The following TDRD1 variants were observed in gnomAD, a reference collection of about 807,000 sequenced individuals.
TDRD1 encodes the protein tudor domain-containing protein 1.
In TDRD1, 37 loss-of-function variants were observed where a neutral mutation model predicts 140.6. The observed-to-expected ratio is 0.26, with a 90% CI of 0.20 to 0.35. The LOEUF (loss-of-function observed/expected upper bound fraction) is 0.35. Among genes scored for constraint, TDRD1 ranks in the 10% least tolerant of loss-of-function variants. TDRD1 has a pLI of 1.00. For missense variants in TDRD1, 1,243 were observed against 1,393.0 expected, an observed-to-expected ratio of 0.89 and a Z score of 1.71; for synonymous variants, 506 against 475.7, an observed-to-expected ratio of 1.06 and a Z score of -0.83.
intron 1 of TDRD1, among the ~76,000 whole-genome samples, chr10:114,184,494 G>A (rs1425073401): frequency 3.3e-5 from 5 of 152,218 alleles, no homozygotes; most frequent in African/African-American, 4.8e-5. Flanking sequence ...GAAGAAAGGG[G>A]TGAAGGCCTG....
At chr10:114,185,021 C>T (rs1273744688) in intron 1 of TDRD1, among the ~76,000 whole-genome samples, 1 of 152,244 alleles carries the variant, frequency 6.6e-6, no homozygotes, top group East Asian at 1.9e-4. Context: ...TTTATTGTTA[C>T]TCATACAGTC....
chr10:114,190,610 C>T (rs1229466627), intron 2 of TDRD1, among the ~76,000 whole-genome samples: 1 of 152,218 alleles, frequency 6.6e-6, no homozygotes, highest in Admixed American at 6.5e-5. Flanking sequence ...ACCTCAGCCT[C>T]CTGAGTAATT....
At chr10:114,227,392 G>GCCTCCCTCCTTC in intron 23 of TDRD1, 93 bp downstream of exon 23, 1 of 910,450 alleles carries the variant, frequency 1.1e-6, no homozygotes, top group Non-Finnish European at 1.8e-6. Flanking sequence ...CACTTCCCAT[G>GCCTCCCTCCTTC]CCATACTCTC....
chr10:114,180,841 A>G (rs748611411), intron 1 of TDRD1, among the ~76,000 whole-genome samples: 8 of 152,220 alleles, frequency 5.3e-5, no homozygotes, highest in Non-Finnish European at 8.8e-5. Flanking sequence ...AGCAAACATC[A>G]GAGAAGGAAA....
At chr10:114,202,677 G>A (rs1179184568) in intron 6 of TDRD1, among the ~76,000 whole-genome samples, 1 of 152,174 alleles carries the variant, frequency 6.6e-6, no homozygotes, top group Non-Finnish European at 1.5e-5. Context: ...CATCCGTCGT[G>A]TCCAACTCGT....
At chr10:114,225,620 G>A (rs1296726728) in intron 21 of TDRD1, among the ~76,000 whole-genome samples, 1 of 151,832 alleles carries the variant, frequency 6.6e-6, no homozygotes. Flanking sequence ...ATCACTTTCG[G>A]AGGCTGAGGC....
At chr10:114,216,365 T>C (rs1327715208) in intron 16 of TDRD1, among the ~76,000 whole-genome samples, 2 of 152,224 alleles carry the variant, frequency 1.3e-5, no homozygotes, top group Non-Finnish European at 2.9e-5. Context: ...TAACATCTAG[T>C]TGCTCCACAT....
intron 11 of TDRD1, among the ~76,000 whole-genome samples, chr10:114,207,410 A>G (rs770604468): frequency 1.9e-4 from 29 of 151,828 alleles, no homozygotes; most frequent in Admixed American, 2.6e-4. Context: ...CCCTACTACC[A>G]TTTTCTTAGC....
chr10:114,179,700 C>G (rs1389096734), intron 1 of TDRD1: 1 of 152,188 alleles, frequency 6.6e-6, no homozygotes, highest in Non-Finnish European at 1.5e-5. Context: ...TCAGTGCCTT[C>G]GTTTGACTAA....
At chr10:114,201,356 C>T in intron 4 of TDRD1, 54 bp from the exon 5 acceptor site, 1 of 1,436,634 alleles carries the variant, frequency 7.0e-7, no homozygotes, top group Admixed American at 1.7e-5. Flanking sequence ...AAAGTGTGGA[C>T]TTTGAGAATG....
intron 5 of TDRD1, among the ~76,000 whole-genome samples, chr10:114,201,875 T>C (rs986963648): frequency 6.6e-6 from 1 of 152,252 alleles, no homozygotes; most frequent in African/African-American, 2.4e-5. Context: ...TTGCATGGCA[T>C]TTACCAGTTT....
At chr10:114,228,857 G>A in intron 25 of TDRD1, 1 of 853,472 alleles carries the variant, frequency 1.2e-6, no homozygotes, top group Non-Finnish European at 1.4e-6. Flanking sequence ...GCTGAGGCGG[G>A]CAGATCACCT....
chr10:114,193,067 A>G (rs904516945), intron 3 of TDRD1, among the ~76,000 whole-genome samples: 3 of 152,184 alleles, frequency 2.0e-5, no homozygotes, highest in South Asian at 2.1e-4. Flanking sequence ...CTTCCAATCT[A>G]TGAACATGGT....
intron 3 of TDRD1, among the ~76,000 whole-genome samples, chr10:114,197,662 T>A (rs2034458397): frequency 5.9e-5 from 2 of 34,058 alleles, no homozygotes; most frequent in South Asian, 1.1e-3. Flanking sequence ...ATTATGAGAC[T>A]TTTTTTTTTT....
chr10:114,222,694 A>G, exon 21 of TDRD1: 1 of 1,591,620 alleles, frequency 6.3e-7, no homozygotes, highest in South Asian at 1.1e-5. Context: ...ATGCTGTGCC[A>G]AATACACAAG....
intron 13 of TDRD1, 61 bp downstream of exon 13, chr10:114,211,028 G>A (rs2035449615): frequency 7.5e-7 from 1 of 1,330,168 alleles, no homozygotes; most frequent in African/African-American, 1.5e-5. Context: ...ACTTAGAATT[G>A]AGTAAAAACC....
chr10:114,201,554 TA>T, intron 5 of TDRD1, 39 bp downstream of exon 5: 3 of 1,550,078 alleles, frequency 1.9e-6, no homozygotes, highest in Non-Finnish European at 1.8e-6. Context: ...AAGGATTATG[TA>T]AAAGGTTCTG....
chr10:114,204,069 T>G lies in TDRD1; in HGVS notation c.982-4T>G, dbSNP rs1393501222. The G allele has an allele frequency of 6.3e-7, 1 of 1,598,692 alleles. No individual in the cohort carries two copies. Among genetic ancestry groups the G allele is most frequent in the Admixed American group, 1.8e-5 (1 of 55,102 alleles). ...AGCAGAGTACCATTATATTTCACTT[T>G]CAGACCTGGAACAGAGCAATCATAC... On this transcript the variant is annotated splice_polypyrimidine_tract_variant and splice_region_variant and intron_variant, in intron 8 of 25. Transcript: ENST00000251864.
exon 12 of TDRD1, chr10:114,210,652 A>G: frequency 1.2e-6 from 2 of 1,612,462 alleles, no homozygotes; most frequent in Non-Finnish European, 1.7e-6. Context: ...CCTAATCCCA[A>G]AAGTGTTAAC....
Sources: gnomAD v4.1 joint callset for allele counts (sites outside exome capture counted in the v4.1 genomes callset) on GRCh38, gnomAD v4.1.1 for gene constraint, MANE v1.5 for transcripts, NCBI Gene and HGNC (gene_info 2026-07-23, HGNC 2026-07-21) for gene names.